Variants in SH3BP4 observed in about 807,000 individuals in gnomAD.
SH3BP4 encodes the protein SH3 domain-binding protein 4.
In SH3BP4, 33 loss-of-function variants were observed where a neutral mutation model predicts 65.5. The observed-to-expected ratio is 0.50, with a 90% CI of 0.38 to 0.67. SH3BP4 has a LOEUF of 0.67. SH3BP4 is among the 30% of genes least tolerant of loss of function. The pLI, the probability that SH3BP4 is intolerant of heterozygous loss-of-function variation, is 0.00. For synonymous variants in SH3BP4, 552 were observed against 545.5 expected, an observed-to-expected ratio of 1.01 and a Z score of -0.17; for missense variants, 1,134 against 1,261.4, an observed-to-expected ratio of 0.90 and a Z score of 1.53.
intron 1 of SH3BP4, among the ~76,000 whole-genome samples, chr2:234,963,169 CTGTT>C (rs1466339147): frequency 1.3e-5 from 2 of 152,152 alleles, no homozygotes; most frequent in Non-Finnish European, 2.9e-5. Flanking sequence ...GTACAGTACC[CTGTT>C]TGTTTAATAA....
chr2:235,053,633 C>T lies in SH3BP4; in HGVS notation c.2709C>T (p.Ser903=), dbSNP rs1358953953. ...CGTATGACTTCTTACTCACCTGGAG[C>T]CATCAGATCGGGGACAGCTACCGGG... ...KPAYDFLLTW[S]HQIGDSYRDV... The change falls in exon 6 of 6, where the codon AGC becomes AGT. Residue 903 remains serine (S), a synonymous_variant. Transcript: ENST00000392011. 6.2e-7 allele frequency: 1 copy of T among 1,614,184 alleles called. No homozygotes were observed. Among genetic ancestry groups the T allele is most frequent in the Non-Finnish European group, 8.5e-7 (1 of 1,180,042 alleles).
intron 2 of SH3BP4, among the ~76,000 whole-genome samples, chr2:234,999,974 A>G (rs1274962087): frequency 6.6e-6 from 1 of 152,196 alleles, no homozygotes; most frequent in African/African-American, 2.4e-5. Context: ...TGAGCATCCA[A>G]GTCTCAGAAG....
chr2:235,043,146 A>G lies in SH3BP4; in HGVS notation c.2377A>G (p.Ser793Gly), dbSNP rs1695733735. ...LTFFCRAELD[S>G]EPERVASVLE... ...CTTTTTCTGCCGGGCAGAGCTGGAT[A>G]GTGAGCCCGAGCGGGTGGCGTCCGT... is the stretch of plus-strand genomic sequence containing the variant. Residue 793 changes from serine to glycine, a missense_variant, in exon 4 of 6, where the codon AGT becomes GGT. Physicochemically the swap from Ser to Gly is moderately conservative, Grantham distance 56 (BLOSUM62 0). Coordinates refer to ENST00000392011, the MANE Select transcript of SH3BP4 (RefSeq NM_014521.3). The G allele has an allele frequency of 6.2e-7, 1 of 1,613,024 alleles. No homozygotes were observed. Among genetic ancestry groups the G allele is most frequent in the Non-Finnish European group, 8.5e-7 (1 of 1,179,446 alleles).
intron 2 of SH3BP4, among the ~76,000 whole-genome samples, chr2:235,020,917 C>T (rs1174987027): frequency 6.6e-6 from 1 of 152,184 alleles, no homozygotes; most frequent in African/African-American, 2.4e-5. Context: ...CAGAGTGTCC[C>T]ACCCTCATAA....
At chr2:235,012,046 T>C (rs952233416) in intron 2 of SH3BP4, among the ~76,000 whole-genome samples, 3 of 152,234 alleles carry the variant, frequency 2.0e-5, no homozygotes, top group Admixed American at 2.0e-4. Flanking sequence ...AGGGAAAGCA[T>C]GGGGCTGGTG....
At chr2:234,969,087 A>G (rs1305826950) in intron 1 of SH3BP4, among the ~76,000 whole-genome samples, 1 of 152,200 alleles carries the variant, frequency 6.6e-6, no homozygotes, top group Non-Finnish European at 1.5e-5. Context: ...CATTCAAGCT[A>G]GTCTCAGCCC....
At chr2:234,993,832 C>A (rs1374109570) in intron 1 of SH3BP4, among the ~76,000 whole-genome samples, 1 of 152,180 alleles carries the variant, frequency 6.6e-6, no homozygotes, top group East Asian at 1.9e-4. Flanking sequence ...AGAATGGGGC[C>A]GCCTTGTGAT....
At chr2:235,028,926 G>GAAAT (rs1367390949) in intron 2 of SH3BP4, among the ~76,000 whole-genome samples, 1 of 152,144 alleles carries the variant, frequency 6.6e-6, no homozygotes, top group African/African-American at 2.4e-5. Context: ...AGAACAGCAG[G>GAAAT]AAATGGGACA....
chr2:234,979,943 T>C (rs75874457), intron 1 of SH3BP4: 25,940 of 152,242 alleles, frequency 0.17, 2,529 homozygotes, highest in Non-Finnish European at 0.22. Context: ...GTCTCTTCTT[T>C]ACCAGTTAAG....
rs1425408796 is a variant in SH3BP4 at position 234,976,186 on chromosome 2, G to C, written c.-206-19117G>C. The stretch of plus-strand genomic sequence containing the variant: ...TCCTGCGGATTCCCCATCTACCCAT[G>C]AAGAGCGGCTCCTGCGGGGTGGCCC... On this transcript the variant is annotated intron_variant, in intron 1 of 5. Coordinates refer to ENST00000392011, the MANE Select transcript of SH3BP4 (RefSeq NM_014521.3). This position sits in a 1 kb window ranked among gnomAD's most constrained non-coding sequence, Gnocchi z 4.7. 6.6e-6 allele frequency among the ~76,000 whole-genome samples: 1 copy of C among 152,176 alleles called. No individual in the cohort carries two copies. Among genetic ancestry groups the C allele is most frequent in the Non-Finnish European group, 1.5e-5 (1 of 68,030 alleles).
At chr2:235,040,810 T>C in intron 3 of SH3BP4, 78 bp from the exon 4 acceptor site, 1 of 1,256,202 alleles carries the variant, frequency 8.0e-7, no homozygotes, top group Non-Finnish European at 1.1e-6. Context: ...TTTACCACCG[T>C]CCTCTCTCCT....
intron 1 of SH3BP4, among the ~76,000 whole-genome samples, chr2:234,956,326 C>A (rs571654186): frequency 6.6e-6 from 1 of 152,074 alleles, no homozygotes; most frequent in Non-Finnish European, 1.5e-5. Flanking sequence ...TATAGGAAGG[C>A]GGTTAAGTAA....
intron 2 of SH3BP4, among the ~76,000 whole-genome samples, chr2:235,011,964 G>A (rs559134839): frequency 1.1e-4 from 16 of 152,306 alleles, no homozygotes; most frequent in Admixed American, 7.2e-4. Context: ...TTGCTGACCC[G>A]GAGCACACAG....
rs540429356 is a variant in SH3BP4, at chr2:234,952,378, C to T, written c.-207+208C>T. On this transcript the variant is annotated intron_variant, in intron 1 of 5. Transcript: ENST00000392011. This position sits in a 1 kb window ranked among gnomAD's most constrained non-coding sequence, Gnocchi z 6.5. ...GAAGCCTCGCGCGCCCCTCGCCGCT[C>T]CCCCGGGCGCTCGGGTCTCCCTGGT... Among the ~76,000 whole-genome samples, 3 of 151,122 alleles carry T rather than the reference C, an allele frequency of 2.0e-5. No individual in the cohort carries two copies. In the East Asian group the frequency reaches 5.9e-4, roughly 30 times the overall value.
At chr2:235,009,607 C>T (rs1559242302) in intron 2 of SH3BP4, among the ~76,000 whole-genome samples, 2 of 151,952 alleles carry the variant, frequency 1.3e-5, no homozygotes, top group Non-Finnish European at 1.5e-5. Flanking sequence ...AGCCGGCCTG[C>T]CTTTGGTGGT....
intron 2 of SH3BP4, among the ~76,000 whole-genome samples, chr2:235,032,161 C>T (rs908444512): frequency 2.6e-5 from 4 of 152,224 alleles, no homozygotes; most frequent in Admixed American, 6.5e-5. Context: ...CCTCACCCGG[C>T]GCAGTCCTCG....
At chr2:235,049,925 A>C (rs866313775) in intron 4 of SH3BP4, among the ~76,000 whole-genome samples, 13 of 151,196 alleles carry the variant, frequency 8.6e-5, no homozygotes, top group Non-Finnish European at 1.6e-4. Flanking sequence ...CTTGCGGCCC[A>C]CACAGCAGGG....
chr2:234,973,842 C>G (rs756313999), intron 1 of SH3BP4, among the ~76,000 whole-genome samples: 1 of 151,858 alleles, frequency 6.6e-6, no homozygotes, highest in East Asian at 2.0e-4. Context: ...CCTATGTTGC[C>G]CAGGCTAGTC....
Position 235,042,782 on chromosome 2 carries a change from C to T in SH3BP4, c.2013C>T (p.Asn671=). Residue 671 remains asparagine (N), a synonymous_variant, in exon 4 of 6, where the codon AAC becomes AAT. Coordinates refer to ENST00000392011, the MANE Select transcript of SH3BP4 (RefSeq NM_014521.3). The surrounding 1 kb of genome is among the most constrained non-coding windows in gnomAD (Gnocchi z 7.3). ...LLKTVVRQNK[N]HYLLEYKKGD... ...AGACTGTGGTGCGGCAGAACAAGAA[C>T]CACTACCTGCTGGAGTACAAGAAGG... 1.9e-6 allele frequency: 3 copies of T among 1,614,168 alleles called. No homozygotes were observed. The highest frequency in any genetic ancestry group is 1.1e-5 in the South Asian group (1 of 91,084).
Sources: gnomAD v4.1 joint callset for allele counts (sites outside exome capture counted in the v4.1 genomes callset) on GRCh38, gnomAD v4.1.1 for gene constraint, Gnocchi (gnomAD v3.1) non-coding constraint, MANE v1.5 for transcripts, NCBI Gene and HGNC (gene_info 2026-07-23, HGNC 2026-07-21) for gene names.